The following PAFAH1B1 variants were observed in gnomAD, a reference collection of about 807,000 sequenced individuals.
The protein encoded by PAFAH1B1 is platelet activating factor acetylhydrolase 1b regulatory subunit 1, also known as platelet-activating factor acetylhydrolase IB subunit beta.
PAFAH1B1 carries 2 observed loss-of-function variants against 57.5 expected under a neutral mutation model. The observed-to-expected ratio is 0.03, with a 90% CI of 0.01 to 0.11. The LOEUF (loss-of-function observed/expected upper bound fraction) is 0.11, where lower values mean the gene tolerates loss of function less well. Among genes scored for constraint, PAFAH1B1 ranks in the 10% least tolerant of loss-of-function variants. The pLI, the probability that PAFAH1B1 is intolerant of heterozygous loss-of-function variation, is 1.00. For missense variants in PAFAH1B1, 257 were observed against 512.0 expected (o/e 0.50, Z 4.81); for synonymous variants, 152 against 169.6 (o/e 0.90, Z 0.81).
chr17:2,612,381 T>A (rs1320114363), intron 1 of PAFAH1B1, among the ~76,000 whole-genome samples: 1 of 151,626 alleles, frequency 6.6e-6, no homozygotes, highest in African/African-American at 2.4e-5. Context: ...TTTTTTGTAT[T>A]TTTTTTAGTA....
intron 2 of PAFAH1B1, among the ~76,000 whole-genome samples, chr17:2,657,677 G>A (rs1336426778): frequency 1.3e-5 from 2 of 152,058 alleles, no homozygotes; most frequent in Non-Finnish European, 2.9e-5. Context: ...CTCGCATCTC[G>A]CCTTTATAAA....
chr17:2,618,554 G>T (rs1363103071), intron 1 of PAFAH1B1, among the ~76,000 whole-genome samples: 1 of 152,010 alleles, frequency 6.6e-6, no homozygotes. Flanking sequence ...GATACGTGAT[G>T]CAATGATTTT....
At chr17:2,662,016 G>T (rs1301062657) in intron 2 of PAFAH1B1, 1 of 137,306 alleles carries the variant, frequency 7.3e-6, no homozygotes, top group Non-Finnish European at 1.5e-5. Context: ...GCGCCATTGC[G>T]CTCCAGCCTG....
chr17:2,665,555 TGTG>T, intron 3 of PAFAH1B1, 99 bp downstream of exon 3: 1 of 752,776 alleles, frequency 1.3e-6, no homozygotes, highest in South Asian at 1.5e-5. Flanking sequence ...CATTTGTTAT[TGTG>T]GTCTACTTGG....
intron 1 of PAFAH1B1, among the ~76,000 whole-genome samples, chr17:2,616,715 T>G (rs2068345918): frequency 6.6e-6 from 1 of 152,146 alleles, no homozygotes; most frequent in Non-Finnish European, 1.5e-5. Flanking sequence ...AAATTAACCA[T>G]CACAAGACTG....
intron 10 of PAFAH1B1, chr17:2,680,754 A>AT (rs1405481720): frequency 3.8e-6 from 1 of 265,338 alleles, no homozygotes; most frequent in Non-Finnish European, 7.4e-6. Context: ...TGAATCTGGA[A>AT]TTTAAGAGAG....
Position 2,679,396 on chromosome 17 carries a change from GGATGGATGATTGGATGGATGGATA to G in PAFAH1B1, c.1003-750_1003-727del, listed in dbSNP as rs1318466821. 3.4e-3 allele frequency among the ~76,000 whole-genome samples: 515 copies of G among 150,746 alleles called. 6 individuals are homozygous for G. The highest frequency in any genetic ancestry group is 4.3e-3 in the Non-Finnish European group (292 of 67,764). On this transcript the variant is annotated intron_variant, in intron 9 of 10. Coordinates refer to ENST00000397195, the MANE Select transcript of PAFAH1B1 (RefSeq NM_000430.4). ...TGGATGAATGATTGGATGGATGGAT[GGATGGATGATTGGATGGATGGATA>G]GATGGATGATTGGATGGTTGGATGG...
intron 5 of PAFAH1B1, chr17:2,667,411 G>C (rs1385516578): frequency 2.0e-6 from 1 of 507,634 alleles, no homozygotes; most frequent in Admixed American, 3.3e-5. Context: ...AGGGACAGGA[G>C]GTACTCTGAA....
intron 2 of PAFAH1B1, among the ~76,000 whole-genome samples, chr17:2,664,692 CTTTCT>C (rs2069078739): frequency 3.6e-5 from 2 of 55,652 alleles, no homozygotes; most frequent in Non-Finnish European, 5.4e-5. Flanking sequence ...CTCTCTCTCT[CTTTCT>C]CTCTCCATCT....
intron 8 of PAFAH1B1, among the ~76,000 whole-genome samples, chr17:2,674,915 G>A (rs1424328135): frequency 1.3e-5 from 2 of 152,174 alleles, no homozygotes; most frequent in African/African-American, 4.8e-5. Flanking sequence ...TGAGGCAAGA[G>A]GATCACTTGT....
At chr17:2,663,798 A>G (rs1393285537) in intron 2 of PAFAH1B1, among the ~76,000 whole-genome samples, 1 of 151,898 alleles carries the variant, frequency 6.6e-6, no homozygotes, top group African/African-American at 2.4e-5. Flanking sequence ...CCCGGGTTCA[A>G]GCAATTCTGC....
In PAFAH1B1 at chr17:2,673,155, CG is replaced by C. The variant is rs144169365; in HGVS notation, c.671+400del. ...TGTTGCAGTCACTTCGACTTTAACCCGGAATGATCATTATGACAGTCATATT... is the reference window on the plus strand; with the variant it reads ...TGTTGCAGTCACTTCGACTTTAACCCGAATGATCATTATGACAGTCATATT... On this transcript the variant is annotated intron_variant, in intron 7 of 10. Coordinates refer to ENST00000397195, the MANE Select transcript of PAFAH1B1 (RefSeq NM_000430.4). Among the ~76,000 whole-genome samples, 622 of 152,218 alleles carry C rather than the reference CG, an allele frequency of 4.1e-3. 6 individuals are homozygous for C. The highest frequency in any genetic ancestry group is 0.014 in the African/African-American group (599 of 41,536).
Position 2,680,150 on chromosome 17 carries a change from T to G in PAFAH1B1, c.1003-14T>G. The G allele has an allele frequency of 6.2e-7, 1 of 1,613,338 alleles. No homozygotes were observed. On this transcript the variant is annotated splice_polypyrimidine_tract_variant and intron_variant, in intron 9 of 10. Transcript: ENST00000397195. ...TTGCCTTTTACTGAGTCAAATAACT[T>G]TTTTGTTTTTAAGGTGGGTCATGAT...
chr17:2,638,026 G>A (rs944049840), intron 1 of PAFAH1B1, 73 bp from the exon 2 acceptor site: 7 of 453,672 alleles, frequency 1.5e-5, no homozygotes, highest in Admixed American at 7.6e-5. Flanking sequence ...CTTTGAAAAT[G>A]AGTACTGTAA....
intron 1 of PAFAH1B1, among the ~76,000 whole-genome samples, chr17:2,627,136 C>T (rs2068504531): frequency 6.6e-6 from 1 of 152,160 alleles, no homozygotes; most frequent in Admixed American, 6.5e-5. Flanking sequence ...ATTGCATTTG[C>T]TTTTGGGTTC....
chr17:2,655,614 G>A (rs1443129029), intron 2 of PAFAH1B1, among the ~76,000 whole-genome samples: 1 of 152,148 alleles, frequency 6.6e-6, no homozygotes, highest in Non-Finnish European at 1.5e-5. Flanking sequence ...CAGCCCTCCA[G>A]CCTAGGTGAC....
In PAFAH1B1 at chr17:2,623,649, A is replaced by T. The variant is rs2068452478; in HGVS notation, c.-190-14450A>T. ...TTCCCCGTTTTTTTTTTTTTTAAAG[A>T]TGGAGTCTTGCTCTGTCGCCCAGGC... is the stretch of plus-strand genomic sequence containing the variant. On this transcript the variant is annotated intron_variant, in intron 1 of 10. Transcript: ENST00000397195. 2.7e-5 allele frequency among the ~76,000 whole-genome samples: 4 copies of T among 147,112 alleles called. No individual in the cohort carries two copies. The South Asian group carries it at 6.4e-4, about 24-fold the overall frequency.
intron 2 of PAFAH1B1, among the ~76,000 whole-genome samples, chr17:2,664,352 C>T (rs1260446376): frequency 3.9e-5 from 6 of 151,926 alleles, no homozygotes; most frequent in Non-Finnish European, 8.8e-5. Flanking sequence ...AAGTGATTCT[C>T]CTGCCTCAGC....
chr17:2,609,636 C>T (rs577632311), intron 1 of PAFAH1B1: 323 of 152,050 alleles, frequency 2.1e-3, no homozygotes, highest in Non-Finnish European at 3.5e-3. Flanking sequence ...CTCAGCCTCC[C>T]GAGTAGCTGG....
Sources: gnomAD v4.1 joint callset for allele counts (sites outside exome capture counted in the v4.1 genomes callset) on GRCh38, gnomAD v4.1.1 for gene constraint, MANE v1.5 for transcripts, NCBI Gene and HGNC (gene_info 2026-07-23, HGNC 2026-07-21) for gene names.